Variants in SMARCA5 observed in about 807,000 individuals in gnomAD.
SMARCA5 encodes SWI/SNF-related matrix-associated actin-dependent regulator of chromatin subfamily A member 5.
SMARCA5 carries 18 observed loss-of-function variants against 140.4 expected under a neutral mutation model. The ratio of observed to expected loss-of-function variants is 0.13; its 90% CI spans 0.09 to 0.19. SMARCA5 has a LOEUF of 0.19. Ranked by LOEUF, SMARCA5 falls within the 10% of genes least tolerant of loss-of-function variation. The pLI is 1.00. For missense variants in SMARCA5, 606 were observed against 1,276.8 expected (o/e 0.47, Z 8.01); for synonymous variants, 449 against 419.6 (o/e 1.07, Z -0.86).
chr4:143,514,916 G>A (rs1189383448), intron 1 of SMARCA5, among the ~76,000 whole-genome samples: 5 of 152,164 alleles, frequency 3.3e-5, no homozygotes, highest in Non-Finnish European at 7.3e-5. Flanking sequence ...TATGGGTTTG[G>A]GTTGGGCAGG....
In SMARCA5 at chr4:143,513,878, G is replaced by A. The variant is rs1291518879; in HGVS notation, c.-47G>A. ...GGCCTAGGCCTCCCCGTCCATCCCC[G>A]CCGGACTCGGGCCTCTGGCAGCAGC... On this transcript the variant is annotated 5_prime_UTR_variant, in exon 1 of 24. Coordinates refer to ENST00000283131, the MANE Select transcript of SMARCA5 (RefSeq NM_003601.4). The A allele has an allele frequency of 6.5e-7, 1 of 1,527,166 alleles. No homozygotes were observed. The highest frequency in any genetic ancestry group is 8.8e-7 in the Non-Finnish European group (1 of 1,142,750). The allele number at this position is 1,527,166 out of a possible 1,614,324, so 94.6% of individuals were successfully genotyped here.
intron 2 of SMARCA5, among the ~76,000 whole-genome samples, chr4:143,518,003 A>C (rs984710427): frequency 6.6e-6 from 1 of 152,186 alleles, no homozygotes; most frequent in Non-Finnish European, 1.5e-5. Context: ...TATGTTAACA[A>C]CACCTTTAAA....
chr4:143,516,486 A>G (rs1461751508), intron 1 of SMARCA5, among the ~76,000 whole-genome samples: 1 of 152,134 alleles, frequency 6.6e-6, no homozygotes, highest in Non-Finnish European at 1.5e-5. Flanking sequence ...GGAATTTTGT[A>G]AACTGGACTG....
At chr4:143,519,892 A>G (rs761238067) in intron 2 of SMARCA5, among the ~76,000 whole-genome samples, 26 of 152,076 alleles carry the variant, frequency 1.7e-4, no homozygotes, top group South Asian at 4.1e-4. Flanking sequence ...CTCATTTCCA[A>G]TCTTCCTCCA....
At chr4:143,530,770 A>G (rs1361053772) in intron 9 of SMARCA5, among the ~76,000 whole-genome samples, 2 of 152,206 alleles carry the variant, frequency 1.3e-5, no homozygotes, top group South Asian at 2.1e-4. Context: ...CAGTTATACA[A>G]AATACAGTGG....
chr4:143,518,993 C>T (rs181770181), intron 2 of SMARCA5, among the ~76,000 whole-genome samples: 3 of 152,024 alleles, frequency 2.0e-5, no homozygotes, highest in Admixed American at 6.6e-5. Flanking sequence ...CATTTTTTCC[C>T]GTGATAATAT....
intron 14 of SMARCA5, among the ~76,000 whole-genome samples, chr4:143,542,337 T>G (rs1328230411): frequency 6.6e-6 from 1 of 152,180 alleles, no homozygotes; most frequent in Non-Finnish European, 1.5e-5. Context: ...GTGCATACCT[T>G]TGTGTTACTG....
chr4:143,536,706 A>G, intron 11 of SMARCA5, 28 bp downstream of exon 11: 2 of 1,482,694 alleles, frequency 1.3e-6, no homozygotes, highest in South Asian at 1.2e-5. Flanking sequence ...CAAATTATCA[A>G]AACTGTTTTA....
chr4:143,535,601 A>T (rs1737286362), intron 10 of SMARCA5, among the ~76,000 whole-genome samples: 1 of 152,170 alleles, frequency 6.6e-6, no homozygotes, highest in Non-Finnish European at 1.5e-5. Flanking sequence ...AGGGTAGCAG[A>T]TATTAGGCTT....
At position 143,526,329 on chromosome 4, in the gene SMARCA5, CATT is replaced by C; in HGVS notation, c.673_675del (p.Tyr225del). 1.2e-6 allele frequency: 2 copies of C among 1,613,906 alleles called. No homozygotes were observed. Among genetic ancestry groups the C allele is most frequent in the Non-Finnish European group, 1.7e-6 (2 of 1,179,882 alleles). ...AATTTCTCTTCTTGGGTACATGAAACATTATAGAAACATTCCTGGGCCTCATAT... is the reference window on the plus strand; with the variant it reads ...AATTTCTCTTCTTGGGTACATGAAACATAGAAACATTCCTGGGCCTCATAT... On this transcript the variant is annotated inframe_deletion, in exon 6 of 24. Transcript: ENST00000283131.
At chr4:143,543,377 A>T (rs1394611650) in intron 14 of SMARCA5, 132 bp from the exon 15 acceptor site, 2 of 762,020 alleles carry the variant, frequency 2.6e-6, no homozygotes, top group African/African-American at 3.6e-5. Flanking sequence ...ATTAGATGTG[A>T]ATAAACAGTA....
chr4:143,526,603 A>G, intron 6 of SMARCA5, 143 bp downstream of exon 6: 2 of 623,120 alleles, frequency 3.2e-6, no homozygotes, highest in East Asian at 5.7e-5. Context: ...GTCTTGGTGG[A>G]TAAAAAACAG....
rs1292643518 is a variant in SMARCA5, at chr4:143,541,706, GAA to G, written c.1903+1214_1903+1215del. Among the ~76,000 whole-genome samples, 11 of 152,278 alleles carry G rather than the reference GAA, an allele frequency of 7.2e-5. No individual in the cohort carries two copies. The East Asian group carries it at 2.1e-3, about 29-fold the overall frequency. On this transcript the variant is annotated intron_variant, in intron 14 of 23. Transcript: ENST00000283131. ...TTGTTAACTCTTAAGTGTTTAATTA[GAA>G]AAGTCTCTGGGGACTTCTCGAGGCT...
intron 22 of SMARCA5, chr4:143,548,358 T>C: frequency 2.7e-6 from 1 of 371,446 alleles, no homozygotes; most frequent in Non-Finnish European, 4.8e-6. Flanking sequence ...AAGACTAGCT[T>C]TTCAAGTTCT....
At position 143,524,471 on chromosome 4, in the gene SMARCA5, T is replaced by C. The variant is rs1737027293; in HGVS notation, c.520+4T>C. On this transcript the variant is annotated splice_donor_region_variant and intron_variant, in intron 4 of 23. Transcript: ENST00000283131. ...CGATTTGAAGACTCTCCATCGTGTA[T>C]GTTAAACACACTTGATTTTTTTAAA... 1 of 1,589,238 alleles carries C rather than the reference T, an allele frequency of 6.3e-7. No individual in the cohort carries two copies. The highest frequency in any genetic ancestry group is 1.7e-4 in the Middle Eastern group (1 of 5,984).
At chr4:143,533,132 C>T (rs1737233499) in intron 9 of SMARCA5, among the ~76,000 whole-genome samples, 1 of 152,134 alleles carries the variant, frequency 6.6e-6, no homozygotes, top group South Asian at 2.1e-4. Flanking sequence ...ACTACTACTA[C>T]ATATAACATG....
chr4:143,552,656 T>G (rs547541833), intron 23 of SMARCA5, among the ~76,000 whole-genome samples: 5 of 152,190 alleles, frequency 3.3e-5, no homozygotes, highest in Admixed American at 2.6e-4. Context: ...GCTTTGATTA[T>G]TTCAGTGATG....
chr4:143,542,676 C>T (rs185169616), intron 14 of SMARCA5, among the ~76,000 whole-genome samples: 1 of 152,254 alleles, frequency 6.6e-6, no homozygotes, highest in Non-Finnish European at 1.5e-5. Context: ...ATGTGAGTGA[C>T]CCTTGAGGAG....
chr4:143,528,482 T>G, intron 7 of SMARCA5, 101 bp from the exon 8 acceptor site: 1 of 957,318 alleles, frequency 1.0e-6, no homozygotes, highest in Non-Finnish European at 1.5e-6. Flanking sequence ...CTTTAACCGG[T>G]CTATCATTGT....
Sources: allele counts gnomAD v4.1 joint callset (sites outside exome capture counted in the v4.1 genomes callset), GRCh38; gene constraint gnomAD v4.1.1; transcripts MANE v1.5; gene names NCBI Gene and HGNC (gene_info 2026-07-23, HGNC 2026-07-21).